CABIN1: variants seen among roughly 807,000 people sequenced by gnomAD.
CABIN1 encodes the protein calcineurin-binding protein cabin-1.
A neutral mutation model predicts 227.7 loss-of-function variants in CABIN1; 133 were observed. The observed-to-expected ratio is 0.58, with a 90% CI of 0.51 to 0.67. The LOEUF (loss-of-function observed/expected upper bound fraction) is 0.67. CABIN1 is among the 30% of genes least tolerant of loss of function. The pLI, the probability that CABIN1 is intolerant of heterozygous loss-of-function variation, is 0.00. For synonymous variants in CABIN1, 1,086 were observed against 1,155.1 expected (o/e 0.94, Z 1.21); for missense variants, 2,408 against 2,852.5 (o/e 0.84, Z 3.55).
intron 1 of CABIN1, among the ~76,000 whole-genome samples, chr22:24,027,786 G>T (rs904034195): frequency 4.6e-5 from 7 of 152,216 alleles, no homozygotes; most frequent in African/African-American, 1.7e-4. Flanking sequence ...TGGCACTGGC[G>T]CCATGCTCTT....
At chr22:24,108,434 G>A (rs1382980276) in intron 26 of CABIN1, among the ~76,000 whole-genome samples, 1 of 152,252 alleles carries the variant, frequency 6.6e-6, no homozygotes, top group African/African-American at 2.4e-5. Context: ...GCCATTCAGT[G>A]CTCATGGAGC....
In CABIN1 at chr22:24,177,501, C is replaced by T; in HGVS notation, c.6206-3C>T. The T allele has an allele frequency of 6.6e-7, 1 of 1,524,562 alleles. No homozygotes were observed. Among genetic ancestry groups the T allele is most frequent in the Non-Finnish European group, 8.8e-7 (1 of 1,135,908 alleles). 94.4% of individuals were successfully genotyped at this position (1,524,562 alleles called of 1,614,324 possible). A position where few individuals can be genotyped will look rare whatever the true frequency, so the allele number is the denominator to read the frequency against. ...AAGTGCTCTTGGTACCTTTGTCTTC[C>T]AGAGGGGAAACTGAGGCCTGAGCCG... On this transcript the variant is annotated splice_region_variant and splice_polypyrimidine_tract_variant and intron_variant, in intron 35 of 36. Transcript: ENST00000263119. This position sits in a 1 kb window ranked among gnomAD's most constrained non-coding sequence, Gnocchi z 4.4.
chr22:24,123,269 C>A lies in CABIN1; in HGVS notation c.4632+3571C>A, dbSNP rs115761400. 7.2e-5 allele frequency among the ~76,000 whole-genome samples: 11 copies of A among 152,192 alleles called. No homozygotes were observed. In the South Asian group the frequency reaches 1.9e-3, roughly 26 times the overall value. The stretch of plus-strand genomic sequence containing the variant: ...CTTTTCTGTTCGTTGCATTCCCAGG[C>A]TGAGTTCCTTGGTTCTCAGAAATGG... On this transcript the variant is annotated intron_variant, in intron 28 of 36. Coordinates refer to ENST00000263119, the MANE Select transcript of CABIN1 (RefSeq NM_012295.4).
Position 24,087,492 on chromosome 22 carries a change from C to T in CABIN1, c.3304C>T (p.Arg1102Cys), listed in dbSNP as rs757006837. The T allele has an allele frequency of 1.2e-5, 19 of 1,614,022 alleles. No homozygotes were observed. The highest frequency in any genetic ancestry group is 1.6e-4 in the Middle Eastern group (1 of 6,084). Reference sequence around the variant, plus strand: ...AGGCATGGCTCTGGCCCGGGCCAGCCGCATTCAGGACAAGCTGAACTCCAA... The same window carrying T: ...AGGCATGGCTCTGGCCCGGGCCAGCTGCATTCAGGACAAGCTGAACTCCAA... ...WAGMALARASRIQDKLNSNEL... is the reference protein window; with the variant it reads ...WAGMALARASCIQDKLNSNEL... The change falls in exon 23 of 37, where the codon CGC (arginine) becomes TGC (cysteine). Residue 1102 changes from arginine to cysteine, a missense_variant. Around this residue, in one of 3 missense-constraint regions of CABIN1, gnomAD observed 649 missense variants for 910.3 expected, o/e 0.71. Transcript: ENST00000263119.
intron 3 of CABIN1, among the ~76,000 whole-genome samples, chr22:24,037,897 A>G (rs943934363): frequency 6.6e-6 from 1 of 152,154 alleles, no homozygotes; most frequent in African/African-American, 2.4e-5. Context: ...TTTAGATTTG[A>G]TAATTTGCTA....
intron 4 of CABIN1, 82 bp from the exon 5 acceptor site, chr22:24,041,057 C>T (rs2037328545): frequency 3.2e-6 from 5 of 1,579,158 alleles, no homozygotes; most frequent in Non-Finnish European, 3.5e-6. Context: ...CAGCAGAGGC[C>T]AGCCTGGAAG....
chr22:24,026,418 G>A (rs2036093130), intron 1 of CABIN1, among the ~76,000 whole-genome samples: 1 of 152,206 alleles, frequency 6.6e-6, no homozygotes, highest in Middle Eastern at 3.4e-3. Flanking sequence ...AGTTTATTGA[G>A]TTTTTTGCTT....
chr22:24,167,452 C>A, intron 32 of CABIN1, 139 bp downstream of exon 32: 2 of 723,368 alleles, frequency 2.8e-6, no homozygotes, highest in Non-Finnish European at 4.6e-6. Context: ...CCCTGCTGTT[C>A]ACTTTCTGCA....
rs531478501 is a variant in CABIN1, at chr22:24,054,675, C to T, written c.807-198C>T. ...GTCCCTGGTCCAGCTTTGGCTGCCG[C>T]ATCTTCAGTTCAGCTGTGTTAGACA... is the stretch of plus-strand genomic sequence containing the variant. On this transcript the variant is annotated intron_variant, in intron 8 of 36. Transcript: ENST00000263119. Among the ~76,000 whole-genome samples the T allele has an allele frequency of 2.6e-5, 4 of 152,302 alleles. No homozygotes were observed. The South Asian group carries it at 6.2e-4, about 24-fold the overall frequency.
rs770696172 is a variant in CABIN1 at position 24,036,193 on chromosome 22, G to A, written c.96+12G>A. On this transcript the variant is annotated intron_variant, in intron 3 of 36. Transcript: ENST00000263119. ...CAAAGGAGGCTCAGGTACGTAATGC[G>A]AGGTCTTCTCTGTAGGTGGACCTTC... 4.4e-6 allele frequency: 7 copies of A among 1,583,468 alleles called. No individual in the cohort carries two copies. The highest frequency in any genetic ancestry group is 3.3e-5 in the Admixed American group (2 of 59,928).
At chr22:24,098,239 T>G in intron 26 of CABIN1, 47 bp downstream of exon 26, 1 of 1,445,300 alleles carries the variant, frequency 6.9e-7, no homozygotes, top group Non-Finnish European at 9.3e-7. Context: ...GGCACATCAA[T>G]CACGGGGGGG....
At chr22:24,119,111 C>T (rs1311147384) in intron 27 of CABIN1, among the ~76,000 whole-genome samples, 2 of 152,236 alleles carry the variant, frequency 1.3e-5, no homozygotes, top group Non-Finnish European at 2.9e-5. Context: ...CCATAACTTC[C>T]CCTCTCTGTA....
At chr22:24,171,238 A>G (rs1246258709) in intron 33 of CABIN1, among the ~76,000 whole-genome samples, 1 of 152,182 alleles carries the variant, frequency 6.6e-6, no homozygotes, top group East Asian at 1.9e-4. Context: ...TATCAAGCCC[A>G]GGAAGCAAAC....
chr22:24,150,644 A>G (rs906379205), intron 29 of CABIN1, among the ~76,000 whole-genome samples: 3 of 152,216 alleles, frequency 2.0e-5, no homozygotes, highest in African/African-American at 7.2e-5. Flanking sequence ...AGAGAGACCA[A>G]GAGAGTGCTG....
intron 33 of CABIN1, among the ~76,000 whole-genome samples, chr22:24,170,761 C>CA (rs1319250015): frequency 6.7e-6 from 1 of 149,278 alleles, no homozygotes; most frequent in Non-Finnish European, 1.5e-5. Context: ...TGCCCCCCCC[C>CA]CCGCCCCCAT....
rs570478931 is a variant in CABIN1, at chr22:24,090,260, G to A, written c.3526-1323G>A. On this transcript the variant is annotated intron_variant, in intron 23 of 36. Coordinates refer to ENST00000263119, the MANE Select transcript of CABIN1 (RefSeq NM_012295.4). ...ACAGCTACCCTTTCTTTCTTGGCAG[G>A]TGGCTGTTACAGGTGCCAGTGGCAG... 2.2e-4 allele frequency among the ~76,000 whole-genome samples: 34 copies of A among 152,340 alleles called. 1 individual carries two copies. The highest frequency in any genetic ancestry group is 7.9e-4 in the African/African-American group (33 of 41,574).
chr22:24,039,394 C>T (rs868822587), intron 4 of CABIN1, among the ~76,000 whole-genome samples: 2 of 152,126 alleles, frequency 1.3e-5, no homozygotes, highest in African/African-American at 4.8e-5. Flanking sequence ...CTCTCACCCA[C>T]GGTTTTTCTT....
At chr22:24,027,429 G>GTGGA (rs2036175544) in intron 1 of CABIN1, among the ~76,000 whole-genome samples, 1 of 152,234 alleles carries the variant, frequency 6.6e-6, no homozygotes, top group Non-Finnish European at 1.5e-5. Flanking sequence ...ACAGATGACA[G>GTGGA]TGGATATCCT....
At position 24,177,011 on chromosome 22, in the gene CABIN1, T is replaced by G. The variant is rs2047154613; in HGVS notation, c.6206-493T>G. Among the ~76,000 whole-genome samples, 1 of 152,206 alleles carries G rather than the reference T, an allele frequency of 6.6e-6. No individual in the cohort carries two copies. Among genetic ancestry groups the G allele is most frequent in the Non-Finnish European group, 1.5e-5 (1 of 68,022 alleles). On this transcript the variant is annotated intron_variant, in intron 35 of 36. Coordinates refer to ENST00000263119, the MANE Select transcript of CABIN1 (RefSeq NM_012295.4). The surrounding 1 kb of genome is among the most constrained non-coding windows in gnomAD (Gnocchi z 4.4). ...TGCCAGGCCTGCAACTGGCCCAGCCTTCAGGCTCTGGGCAAACTCAGCCCC... is the reference window on the plus strand; with the variant it reads ...TGCCAGGCCTGCAACTGGCCCAGCCGTCAGGCTCTGGGCAAACTCAGCCCC...
Sources: gnomAD v4.1 joint callset for allele counts (sites outside exome capture counted in the v4.1 genomes callset) on GRCh38, gnomAD v4.1.1 for gene constraint, gnomAD v4.1.1 regional missense constraint, Gnocchi (gnomAD v3.1) non-coding constraint, MANE v1.5 for transcripts, NCBI Gene and HGNC (gene_info 2026-07-23, HGNC 2026-07-21) for gene names.